ATP2C2: variants seen among roughly 807,000 people sequenced by gnomAD.
The protein encoded by ATP2C2 is ATPase secretory pathway Ca2+ transporting 2.
In ATP2C2, 171 loss-of-function variants were observed where a neutral mutation model predicts 110.8. That is an observed-to-expected ratio of 1.54 (90% CI 1.36 to 1.75). The LOEUF is 1.75. ATP2C2 is among the 40% of genes most tolerant of loss of function. The pLI is 0.00. For synonymous variants in ATP2C2, 804 were observed against 508.4 expected (o/e 1.58, Z -7.82); for missense variants, 1,963 against 1,235.0 (o/e 1.59, Z -8.84).
At chr16:84,403,754 G>A (rs190703865) in intron 2 of ATP2C2, among the ~76,000 whole-genome samples, 2 of 151,436 alleles carry the variant, frequency 1.3e-5, no homozygotes, top group East Asian at 2.0e-4. Context: ...GCAATGGCGC[G>A]ATCTCAGCTC....
At chr16:84,415,999 G>A (rs1906801471) in intron 7 of ATP2C2, among the ~76,000 whole-genome samples, 1 of 152,158 alleles carries the variant, frequency 6.6e-6, no homozygotes, top group Non-Finnish European at 1.5e-5. Context: ...CCAACATGGT[G>A]AAACTCTCTA....
chr16:84,382,552 T>C (rs892426117), intron 1 of ATP2C2, among the ~76,000 whole-genome samples: 4 of 152,188 alleles, frequency 2.6e-5, no homozygotes, highest in Non-Finnish European at 2.9e-5. Flanking sequence ...GGCTGATCTG[T>C]TCAGCTCAAC....
Position 84,408,320 on chromosome 16 carries a change from T to C in ATP2C2, c.328-85T>C, listed in dbSNP as rs117495988. 6.3e-3 allele frequency: 8,332 copies of C among 1,326,432 alleles called. 61 individuals carry two copies. Among genetic ancestry groups the C allele is most frequent in the Non-Finnish European group, 6.3e-3 (5,803 of 924,962 alleles). 82.2% of individuals were successfully genotyped at this position (1,326,432 alleles called of 1,614,324 possible). A position where few individuals can be genotyped will look rare whatever the true frequency, so the allele number is the denominator to read the frequency against. The stretch of plus-strand genomic sequence containing the variant: ...AAGCCTGGCCCTGAACTGAGACCCC[T>C]GTCACACAAACTTCTGCACAGTAAG... On this transcript the variant is annotated intron_variant, in intron 3 of 26. Coordinates refer to ENST00000262429, the MANE Select transcript of ATP2C2 (RefSeq NM_014861.4).
At chr16:84,391,916 T>C (rs1265370622) in intron 1 of ATP2C2, among the ~76,000 whole-genome samples, 1 of 145,436 alleles carries the variant, frequency 6.9e-6, no homozygotes, top group African/African-American at 2.5e-5. Context: ...TTCCTTCCTC[T>C]TTTTTTTTTT....
intron 11 of ATP2C2, among the ~76,000 whole-genome samples, chr16:84,430,547 A>G (rs35559160): frequency 0.37 from 55,756 of 151,430 alleles, 10,424 homozygotes; most frequent in South Asian, 0.4. Flanking sequence ...GGCAGAGGCA[A>G]GAGAATTGCT....
intron 3 of ATP2C2, 65 bp downstream of exon 3, chr16:84,405,309 C>A: frequency 3.6e-6 from 5 of 1,391,658 alleles, no homozygotes; most frequent in Non-Finnish European, 5.0e-6. Flanking sequence ...GGCAGCCATT[C>A]CATCTTTCAA....
intron 3 of ATP2C2, among the ~76,000 whole-genome samples, chr16:84,405,919 C>CAA (rs1905725982): frequency 6.6e-6 from 1 of 152,134 alleles, no homozygotes; most frequent in South Asian, 2.1e-4. Flanking sequence ...GACCTTGTCT[C>CAA]CACAACAACA....
At position 84,422,488 on chromosome 16, in the gene ATP2C2, C is replaced by G. The variant is rs376844362; in HGVS notation, c.723C>G (p.Thr241=). The G allele has an allele frequency of 1.2e-6, 2 of 1,613,956 alleles. No individual in the cohort carries two copies. Among genetic ancestry groups the G allele is most frequent in the African/African-American group, 2.7e-5 (2 of 74,874 alleles). The part of the protein sequence containing the change: ...SPLTGGGDLT[T]LSNIVFMGTL... ...TGACAGGCGGTGGGGACCTCACCAC[C>G]CTCAGCAACATCGTCTTCATGGGGA... is the stretch of plus-strand genomic sequence containing the variant. The change falls in exon 8 of 27, where the codon ACC becomes ACG. Residue 241 remains threonine (T), a synonymous_variant. Transcript: ENST00000262429.
chr16:84,454,757 T>A, intron 20 of ATP2C2, 61 bp from the exon 21 acceptor site: 1 of 1,498,106 alleles, frequency 6.7e-7, no homozygotes, highest in Middle Eastern at 2.5e-4. Context: ...AGGGTGTGCA[T>A]GGCCGGGCAC....
chr16:84,373,994 G>A (rs1347350790), intron 1 of ATP2C2, among the ~76,000 whole-genome samples: 1 of 152,176 alleles, frequency 6.6e-6, no homozygotes, highest in African/African-American at 2.4e-5. Flanking sequence ...AGCAGCCTAC[G>A]AATGCCAATT....
At chr16:84,442,481 C>A in intron 14 of ATP2C2, 29 bp from the exon 15 acceptor site, 3 of 1,611,298 alleles carry the variant, frequency 1.9e-6, no homozygotes, top group Non-Finnish European at 2.5e-6. Context: ...CCAGTACTAA[C>A]TACAGATGTC....
At position 84,439,228 on chromosome 16, in the gene ATP2C2, G is replaced by A; in HGVS notation, c.1049G>A (p.Gly350Glu). 4 of 1,612,326 alleles carry A rather than the reference G, an allele frequency of 2.5e-6. No individual in the cohort carries two copies. The highest frequency in any genetic ancestry group is 3.4e-6 in the Non-Finnish European group (4 of 1,180,036). ...GTCGTCATGGTGACGCTGGTCCTGG[G>A]AGTGCTGCGGATGGCCAAGAAGCGG... ...PIVVMVTLVL[G>E]VLRMAKKRVI... is the part of the protein sequence containing the mutation. Residue 350 changes from glycine (G) to glutamate (E), a missense_variant, in exon 12 of 27, where the codon GGA (glycine) becomes GAA (glutamate). By Grantham distance (98) the Gly-to-Glu change is moderately conservative. Transcript: ENST00000262429.
chr16:84,426,298 C>G (rs72806607), intron 11 of ATP2C2, among the ~76,000 whole-genome samples: 19,155 of 152,098 alleles, frequency 0.13, 1,386 homozygotes, highest in Non-Finnish European at 0.16. Flanking sequence ...GAACTCACTC[C>G]AGCAAGAACG....
chr16:84,438,805 C>A (rs1908975199), intron 11 of ATP2C2, among the ~76,000 whole-genome samples: 1 of 152,226 alleles, frequency 6.6e-6, no homozygotes, highest in Admixed American at 6.5e-5. Flanking sequence ...ATCCCACTTA[C>A]TGTCTGATTT....
chr16:84,418,614 G>T (rs1334716941), intron 7 of ATP2C2, among the ~76,000 whole-genome samples: 1 of 152,224 alleles, frequency 6.6e-6, no homozygotes, highest in African/African-American at 2.4e-5. Flanking sequence ...GGACACAGCA[G>T]CCCGCAGAGG....
intron 21 of ATP2C2, 48 bp downstream of exon 21, chr16:84,455,032 C>G (rs779725118): frequency 1.9e-6 from 3 of 1,608,006 alleles, no homozygotes; most frequent in Admixed American, 1.7e-5. Context: ...TGCCTGGGGT[C>G]ACCAGCTTCT....
intron 23 of ATP2C2, chr16:84,459,738 C>T: frequency 3.0e-6 from 2 of 675,628 alleles, no homozygotes; most frequent in Admixed American, 2.8e-5. Flanking sequence ...CCTCACCCTG[C>T]TGTATTTTTC....
intron 14 of ATP2C2, among the ~76,000 whole-genome samples, chr16:84,441,723 C>G (rs954658445): frequency 6.6e-6 from 1 of 152,224 alleles, no homozygotes; most frequent in African/African-American, 2.4e-5. Flanking sequence ...GAGTTCAAGA[C>G]CAGCCTGGCC....
At chr16:84,420,472 C>CTTT (rs35715518) in intron 7 of ATP2C2, among the ~76,000 whole-genome samples, 1 of 95,764 alleles carries the variant, frequency 1.0e-5, no homozygotes, top group Non-Finnish European at 2.5e-5. Context: ...CCCTTTCTTT[C>CTTT]TTTTTTTTTT....
Sources: gnomAD v4.1 joint callset for allele counts (sites outside exome capture counted in the v4.1 genomes callset) on GRCh38, gnomAD v4.1.1 for gene constraint, MANE v1.5 for transcripts, NCBI Gene and HGNC (gene_info 2026-07-23, HGNC 2026-07-21) for gene names.